FHOD3: variants seen among roughly 807,000 people sequenced by gnomAD.
The protein encoded by FHOD3 is formin homology 2 domain containing 3, also known as FH1/FH2 domain-containing protein 3.
FHOD3 carries 90 observed loss-of-function variants against 173.0 expected under a neutral mutation model. The observed-to-expected ratio is 0.52, with a 90% CI of 0.44 to 0.62. FHOD3 has a LOEUF of 0.62. Among genes scored for constraint, FHOD3 ranks in the 20% least tolerant of loss-of-function variants. The pLI is 0.00. For synonymous variants in FHOD3, 828 were observed against 823.0 expected (o/e 1.01, Z -0.10); for missense variants, 1,945 against 2,034.7 (o/e 0.96, Z 0.85).
At chr18:36,544,619 A>C (rs1290059845) in intron 5 of FHOD3, 1 of 152,306 alleles carries the variant, frequency 6.6e-6, no homozygotes, top group Non-Finnish European at 1.5e-5. Context: ...CACAGGCTGA[A>C]AGCATTAAGG....
At chr18:36,369,494 C>T (rs372545307) in intron 2 of FHOD3, among the ~76,000 whole-genome samples, 3,011 of 112,872 alleles carry the variant, frequency 0.027, 56 homozygotes, top group South Asian at 0.049. Context: ...CACACACACA[C>T]ACACATATAT....
chr18:36,388,132 G>T (rs2146405965), intron 3 of FHOD3, among the ~76,000 whole-genome samples: 1 of 152,128 alleles, frequency 6.6e-6, no homozygotes, highest in Middle Eastern at 3.4e-3. Flanking sequence ...TTTTGGTGTG[G>T]TTTTTCTCCA....
intron 9 of FHOD3, among the ~76,000 whole-genome samples, chr18:36,617,331 A>G (rs2033287468): frequency 6.6e-6 from 1 of 152,134 alleles, no homozygotes; most frequent in Non-Finnish European, 1.5e-5. Flanking sequence ...TAAACAATGT[A>G]TTATTGAATT....
At position 36,449,316 on chromosome 18, in the gene FHOD3, G is replaced by C. The variant is rs568952746; in HGVS notation, c.338-52616G>C. On this transcript the variant is annotated intron_variant, in intron 3 of 28. Coordinates refer to ENST00000590592, the MANE Select transcript of FHOD3 (RefSeq NM_001281740.3). The stretch of plus-strand genomic sequence containing the variant: ...TTATTCTTATGAAGTAAAACATAGG[G>C]AAGGCACAAAATATTAAGTATATGG... Among the ~76,000 whole-genome samples, 11 of 152,188 alleles carry C rather than the reference G, an allele frequency of 7.2e-5. No homozygotes were observed. The South Asian group carries it at 1.2e-3, about 17-fold the overall frequency.
At chr18:36,765,417 A>G (rs1231669205) in intron 27 of FHOD3, among the ~76,000 whole-genome samples, 1 of 152,204 alleles carries the variant, frequency 6.6e-6, no homozygotes, top group Non-Finnish European at 1.5e-5. Flanking sequence ...TTCTATACAC[A>G]AAGTCCAGTG....
chr18:36,431,748 CTG>C (rs1228634646), intron 3 of FHOD3, among the ~76,000 whole-genome samples: 1 of 152,184 alleles, frequency 6.6e-6, no homozygotes, highest in African/African-American at 2.4e-5. Flanking sequence ...TAAAAGGAAA[CTG>C]TGATATGACC....
At chr18:36,713,430 C>G (rs2040280334) in intron 18 of FHOD3, among the ~76,000 whole-genome samples, 1 of 152,046 alleles carries the variant, frequency 6.6e-6, no homozygotes, top group Non-Finnish European at 1.5e-5. Flanking sequence ...TATTGTAATG[C>G]CTAGAGCAAC....
chr18:36,536,624 G>A (rs1007894874), intron 5 of FHOD3, among the ~76,000 whole-genome samples: 1 of 152,126 alleles, frequency 6.6e-6, no homozygotes, highest in Non-Finnish European at 1.5e-5. Context: ...GCTACCCTGA[G>A]CACAGAGGCT....
At chr18:36,729,632 A>G (rs189301193) in intron 19 of FHOD3, among the ~76,000 whole-genome samples, 1 of 152,330 alleles carries the variant, frequency 6.6e-6, no homozygotes, top group Admixed American at 6.5e-5. Flanking sequence ...GGAGAGAACT[A>G]GTAGCACTCT....
rs187598433 is a variant in FHOD3 at position 36,754,268 on chromosome 18, A to C, written c.4233-851A>C. 3.2e-3 allele frequency among the ~76,000 whole-genome samples: 490 copies of C among 152,278 alleles called. 4 individuals are homozygous for C. The highest frequency in any genetic ancestry group is 0.011 in the African/African-American group (467 of 41,558). ...CCTTATTTTAAAAAATCCATATTCAAGCTGTGCAAATTAGAGTGATCAAAA... is the reference window on the plus strand; with the variant it reads ...CCTTATTTTAAAAAATCCATATTCACGCTGTGCAAATTAGAGTGATCAAAA... On this transcript the variant is annotated intron_variant, in intron 24 of 28. Transcript: ENST00000590592.
chr18:36,730,535 TG>T, intron 19 of FHOD3, 110 bp from the exon 20 acceptor site: 1 of 1,064,588 alleles, frequency 9.4e-7, no homozygotes, highest in Non-Finnish European at 1.4e-6. Context: ...TGAGCTGAAC[TG>T]GGGCCATTTG....
At chr18:36,356,504 A>G (rs1177805865) in intron 2 of FHOD3, among the ~76,000 whole-genome samples, 3 of 151,966 alleles carry the variant, frequency 2.0e-5, no homozygotes, top group African/African-American at 4.8e-5. Flanking sequence ...TTATTTATTT[A>G]TTTATTTTTT....
At chr18:36,749,340 C>T (rs1044530636) in intron 24 of FHOD3, among the ~76,000 whole-genome samples, 5 of 152,190 alleles carry the variant, frequency 3.3e-5, no homozygotes, top group African/African-American at 1.2e-4. Flanking sequence ...CTTCCACCCT[C>T]CACCTTCATG....
At chr18:36,372,124 G>T (rs945336670) in intron 2 of FHOD3, among the ~76,000 whole-genome samples, 1 of 152,184 alleles carries the variant, frequency 6.6e-6, no homozygotes, top group Non-Finnish European at 1.5e-5. Flanking sequence ...ATGTGGTGTG[G>T]TGTAAATTGA....
intron 3 of FHOD3, among the ~76,000 whole-genome samples, chr18:36,437,791 G>A (rs1471851742): frequency 6.6e-6 from 1 of 151,242 alleles, no homozygotes; most frequent in Non-Finnish European, 1.5e-5. Context: ...AGCCTCCTGA[G>A]TAGCTGGGAT....
At chr18:36,749,790 C>T (rs140158905) in intron 24 of FHOD3, among the ~76,000 whole-genome samples, 1 of 152,334 alleles carries the variant, frequency 6.6e-6, no homozygotes, top group African/African-American at 2.4e-5. Context: ...TTAATTTACA[C>T]TCCCTCCAAC....
intron 3 of FHOD3, among the ~76,000 whole-genome samples, chr18:36,460,458 T>C (rs1349517159): frequency 6.6e-6 from 1 of 152,236 alleles, no homozygotes; most frequent in Non-Finnish European, 1.5e-5. Flanking sequence ...CATGCAAACG[T>C]GAGGCACTAA....
At chr18:36,437,665 C>CTTT (rs1555704498) in intron 3 of FHOD3, among the ~76,000 whole-genome samples, 3 of 69,466 alleles carry the variant, frequency 4.3e-5, no homozygotes, top group East Asian at 6.8e-4. Context: ...TTCTTTCTTT[C>CTTT]TTTTTTTTTT....
In FHOD3 at chr18:36,356,211, T is replaced by G. The variant is rs1451394622; in HGVS notation, c.272+566T>G. ...GTTTCTTAGCAGATGCTATAGTAGATAGTTTTATACGGTATCATCTTTTAA... is the reference window on the plus strand; with the variant it reads ...GTTTCTTAGCAGATGCTATAGTAGAGAGTTTTATACGGTATCATCTTTTAA... On this transcript the variant is annotated intron_variant, in intron 2 of 28. Coordinates refer to ENST00000590592, the MANE Select transcript of FHOD3 (RefSeq NM_001281740.3). Among the ~76,000 whole-genome samples, 3 of 152,384 alleles carry G rather than the reference T, an allele frequency of 2.0e-5. No individual in the cohort carries two copies. The East Asian group carries it at 5.8e-4, about 29-fold the overall frequency.
Sources: gnomAD v4.1 joint callset for allele counts (sites outside exome capture counted in the v4.1 genomes callset) on GRCh38, gnomAD v4.1.1 for gene constraint, MANE v1.5 for transcripts, NCBI Gene and HGNC (gene_info 2026-07-23, HGNC 2026-07-21) for gene names.